USP6: variants seen among roughly 807,000 people sequenced by gnomAD.
USP6 encodes the protein ubiquitin specific peptidase 6.
A neutral mutation model predicts 175.7 loss-of-function variants in USP6; 128 were observed. That is an observed-to-expected ratio of 0.73 (90% CI 0.63 to 0.84). USP6 has a LOEUF of 0.84. Among genes scored for constraint, USP6 ranks in the 40% least tolerant of loss-of-function variants. The pLI, the probability that USP6 is intolerant of heterozygous loss-of-function variation, is 0.00. For synonymous variants in USP6, 562 were observed against 630.6 expected, an observed-to-expected ratio of 0.89 and a Z score of 1.63; for missense variants, 1,498 against 1,760.3, an observed-to-expected ratio of 0.85 and a Z score of 2.67.
In USP6 at chr17:5,130,637, T is replaced by A. The variant is rs1329847665; in HGVS notation, c.108T>A (p.Pro36=). 1.2e-6 allele frequency: 2 copies of A among 1,613,814 alleles called. No individual in the cohort carries two copies. Among genetic ancestry groups the A allele is most frequent in the Non-Finnish European group, 1.7e-6 (2 of 1,179,826 alleles). The part of the protein sequence containing the change: ...HRAGLPEDKG[P]EPVGINSSID... Reference sequence around the variant, plus strand: ...CTGGGCTGCCAGAGGACAAGGGGCCTGAGCCCGTTGGAATCAACAGCAGCA... The same window carrying A: ...CTGGGCTGCCAGAGGACAAGGGGCCAGAGCCCGTTGGAATCAACAGCAGCA... The change falls in exon 11 of 38, where the codon CCT becomes CCA. Residue 36 remains proline, a synonymous_variant. Transcript: ENST00000574788.
At position 5,135,858 on chromosome 17, in the gene USP6, T is replaced by C. The variant is rs756377079; in HGVS notation, c.594T>C (p.Leu198=). 1 of 1,599,464 alleles carries C rather than the reference T, an allele frequency of 6.3e-7. No homozygotes were observed. The highest frequency in any genetic ancestry group is 8.5e-7 in the Non-Finnish European group (1 of 1,179,790). ...DLSHITALFL[L]YLPEEDAFWA... is the part of the protein sequence containing the mutation. ...GCCACATCACCGCCTTGTTCCTCCT[T>C]TATCTGCCTGAGGAGGACGCATTCT... Residue 198 remains leucine (L), a synonymous_variant, in exon 17 of 38, where the codon CTT becomes CTC. Coordinates refer to ENST00000574788, the MANE Select transcript of USP6 (RefSeq NM_001304284.2).
At chr17:5,133,348 T>A (rs532381979) in intron 13 of USP6, 95 bp from the exon 14 acceptor site, 1 of 1,374,726 alleles carries the variant, frequency 7.3e-7, no homozygotes, top group African/African-American at 1.4e-5. Flanking sequence ...TGAGGAATCA[T>A]GGGGCCAAAA....
At chr17:5,148,897 C>A (rs2073686362) in intron 30 of USP6, 130 bp downstream of exon 30, 1 of 1,425,290 alleles carries the variant, frequency 7.0e-7, no homozygotes, top group South Asian at 1.6e-5. Flanking sequence ...AAATTTAATA[C>A]TTTTACAAAT....
chr17:5,138,591 G>A (rs1357933650), intron 21 of USP6, among the ~76,000 whole-genome samples: 2 of 152,010 alleles, frequency 1.3e-5, no homozygotes, highest in Admixed American at 6.5e-5. Context: ...AGACCCATTT[G>A]TGGGAGACCC....
intron 16 of USP6, among the ~76,000 whole-genome samples, 176 bp downstream of exon 16, chr17:5,135,458 G>A (rs1392851144): frequency 1.3e-5 from 2 of 152,114 alleles, no homozygotes; most frequent in African/African-American, 4.8e-5. Flanking sequence ...GTGGTCTCAA[G>A]GGGTCAAGCT....
chr17:5,158,289 G>A (rs533385426), intron 31 of USP6, among the ~76,000 whole-genome samples: 1 of 152,096 alleles, frequency 6.6e-6, no homozygotes, highest in Admixed American at 6.6e-5. Flanking sequence ...GATCGAGGCT[G>A]GGTGCAGTGG....
At chr17:5,136,813 T>G in intron 18 of USP6, 79 bp downstream of exon 18, 1 of 1,561,556 alleles carries the variant, frequency 6.4e-7, no homozygotes, top group Non-Finnish European at 8.8e-7. Flanking sequence ...CTGGAGTCCC[T>G]TGTGGGACTG....
At chr17:5,135,361 C>G in intron 16 of USP6, 79 bp downstream of exon 16, 2 of 1,557,126 alleles carry the variant, frequency 1.3e-6, no homozygotes, top group South Asian at 1.1e-5. Context: ...GGTGTCGTTG[C>G]TTCTTTTAAA....
intron 2 of USP6, among the ~76,000 whole-genome samples, chr17:5,119,145 AC>A (rs1220216117): frequency 1.3e-5 from 2 of 150,978 alleles, no homozygotes; most frequent in African/African-American, 4.8e-5. Context: ...CACTCCAATC[AC>A]CCCTCTTCCT....
intron 22 of USP6, among the ~76,000 whole-genome samples, chr17:5,141,211 T>A (rs8065031): frequency 0.13 from 19,207 of 152,122 alleles, 1,377 homozygotes; most frequent in African/African-American, 0.17. Flanking sequence ...TTTGTGTAGG[T>A]ACACTCCGTG....
intron 4 of USP6, among the ~76,000 whole-genome samples, chr17:5,123,353 G>A (rs987943825): frequency 1.3e-5 from 2 of 151,914 alleles, no homozygotes; most frequent in African/African-American, 4.8e-5. Context: ...CTGGCCCGGA[G>A]TGACCCCGGC....
chr17:5,133,413 C>G, intron 13 of USP6, 30 bp from the exon 14 acceptor site: 1 of 1,588,544 alleles, frequency 6.3e-7, no homozygotes, highest in Non-Finnish European at 8.6e-7. Context: ...ACCCCATGGC[C>G]TGTGACACCA....
rs1451293868 is a variant in USP6 at position 5,173,187 on chromosome 17, C to G, written c.*209C>G. 1.6e-6 allele frequency: 1 copy of G among 619,762 alleles called. No homozygotes were observed. Among genetic ancestry groups the G allele is most frequent in the Non-Finnish European group, 2.6e-6 (1 of 379,546 alleles). The allele number at this position is 619,762 out of a possible 1,614,324, so 38.4% of individuals were successfully genotyped here. On this transcript the variant is annotated 3_prime_UTR_variant, in exon 38 of 38. Coordinates refer to ENST00000574788, the MANE Select transcript of USP6 (RefSeq NM_001304284.2). ...AGCTGTCTGATAGAGAACTTTCAGG[C>G]AGATCCCACCATTAGCCTGTAAACA...
chr17:5,172,774 T>G (rs761027720), intron 37 of USP6, 31 bp from the exon 38 acceptor site: 2 of 1,611,378 alleles, frequency 1.2e-6, no homozygotes, highest in Non-Finnish European at 1.7e-6. Context: ...TAGTGATGGC[T>G]TTTTGTTAAA....
chr17:5,171,993 G>A (rs2074228817), intron 37 of USP6, among the ~76,000 whole-genome samples: 1 of 151,634 alleles, frequency 6.6e-6, no homozygotes, highest in Non-Finnish European at 1.5e-5. Context: ...TGGCCAACAT[G>A]GTGAAACCCC....
chr17:5,148,709 T>C lies in USP6; in HGVS notation c.2585T>C (p.Met862Thr). 1 of 1,613,944 alleles carries C rather than the reference T, an allele frequency of 6.2e-7. No individual in the cohort carries two copies. ...ACAAATGGAATGGTTAATGGTCACA[T>C]GCCATCTCTTCCTGACAGCCCCTTT... ...NFTNGMVNGH[M>T]PSLPDSPFTG... Residue 862 changes from methionine (M) to threonine (T), a missense_variant, in exon 30 of 38, where the codon ATG becomes ACG. This residue lies in a region of USP6 where 1,217 missense variants were observed against 1,500.8 expected (regional missense o/e 0.81). Transcript: ENST00000574788.
chr17:5,152,533 A>C (rs1182365207), intron 30 of USP6, among the ~76,000 whole-genome samples: 1 of 152,260 alleles, frequency 6.6e-6, no homozygotes, highest in Non-Finnish European at 1.5e-5. Flanking sequence ...CATTATCTAT[A>C]GTAGCCCCAA....
At chr17:5,161,943 C>T (rs1240267747) in intron 32 of USP6, among the ~76,000 whole-genome samples, 4 of 152,188 alleles carry the variant, frequency 2.6e-5, no homozygotes, top group Admixed American at 6.5e-5. Flanking sequence ...ACCCAGGAGG[C>T]GGAGACTGCA....
intron 13 of USP6, 115 bp from the exon 14 acceptor site, chr17:5,133,328 T>G (rs1369225350): frequency 1.8e-5 from 21 of 1,178,136 alleles, no homozygotes; most frequent in Non-Finnish European, 2.5e-5. Flanking sequence ...CAGCTTGATC[T>G]CGCCTCTACT....
Sources: gnomAD v4.1 joint callset for allele counts (sites outside exome capture counted in the v4.1 genomes callset) on GRCh38, gnomAD v4.1.1 for gene constraint, gnomAD v4.1.1 regional missense constraint, MANE v1.5 for transcripts, NCBI Gene and HGNC (gene_info 2026-07-23, HGNC 2026-07-21) for gene names.